TSPAN15: variants seen among roughly 807,000 people sequenced by gnomAD.
TSPAN15 encodes tetraspanin-15.
Under a neutral mutation model 34.5 loss-of-function variants are expected in TSPAN15, and 20 were observed. The observed-to-expected ratio is 0.58, with a 90% CI of 0.41 to 0.84. The LOEUF is 0.84. Ranked by LOEUF, TSPAN15 falls within the 40% of genes least tolerant of loss-of-function variation. TSPAN15 has a pLI of 0.00. For synonymous variants in TSPAN15, 155 were observed against 153.9 expected (o/e 1.01, Z -0.05); for missense variants, 313 against 386.1 (o/e 0.81, Z 1.59).
chr10:69,520,682 TG>T, the TSPAN15 span, among the ~76,000 whole-genome samples: 1 of 152,180 alleles, frequency 6.6e-6, no homozygotes, highest in Non-Finnish European at 1.5e-5. Flanking sequence ...AAAAATCCAT[TG>T]TATGCATATA....
intron 1 of TSPAN15, among the ~76,000 whole-genome samples, chr10:69,462,169 T>G (rs965882174): frequency 2.8e-5 from 4 of 144,986 alleles, no homozygotes; most frequent in Non-Finnish European, 6.1e-5. Flanking sequence ...TTTTTTTTTT[T>G]TTTTTTTTTT....
At chr10:69,484,795 G>A (rs1309754040) in intron 2 of TSPAN15, among the ~76,000 whole-genome samples, 1 of 152,190 alleles carries the variant, frequency 6.6e-6, no homozygotes, top group Non-Finnish European at 1.5e-5. Flanking sequence ...CATTAAGCCA[G>A]GCCTAGCCCC....
At chr10:69,536,909 A>G in the TSPAN15 span, among the ~76,000 whole-genome samples, 1 of 151,614 alleles carries the variant, frequency 6.6e-6, no homozygotes, top group Non-Finnish European at 1.5e-5. Context: ...ACTTGAATTC[A>G]GGAGGCAGAA....
intron 1 of TSPAN15, among the ~76,000 whole-genome samples, chr10:69,477,153 T>C (rs1392437449): frequency 1.3e-5 from 2 of 152,150 alleles, no homozygotes; most frequent in Non-Finnish European, 2.9e-5. Context: ...TCTTTTTCTT[T>C]GAGACAGAGT....
intron 5 of TSPAN15, among the ~76,000 whole-genome samples, chr10:69,500,218 A>C (rs1842175854): frequency 6.6e-6 from 1 of 152,182 alleles, no homozygotes; most frequent in Non-Finnish European, 1.5e-5. Context: ...TTGAGCAGTG[A>C]TGCAGCCTCA....
At position 69,501,251 on chromosome 10, in the gene TSPAN15, A is replaced by G. The variant is rs116472752; in HGVS notation, c.570+2855A>G. 6.5e-3 allele frequency among the ~76,000 whole-genome samples: 994 copies of G among 152,280 alleles called. 7 individuals carry two copies. Among genetic ancestry groups the G allele is most frequent in the African/African-American group, 0.023 (944 of 41,558 alleles). On this transcript the variant is annotated intron_variant, in intron 5 of 7. Coordinates refer to ENST00000373290, the MANE Select transcript of TSPAN15 (RefSeq NM_012339.5). ...GGAGTCTGGAGTTCTGGGAACGACT[A>G]GGCAAGGGGTGTAAACACGGACATC...
rs1459311133 is a variant in TSPAN15 at position 69,506,493 on chromosome 10, A to C, written c.735+253A>C. 6.6e-6 allele frequency among the ~76,000 whole-genome samples: 1 copy of C among 152,198 alleles called. No homozygotes were observed. Among genetic ancestry groups the C allele is most frequent in the African/African-American group, 2.4e-5 (1 of 41,432 alleles). On this transcript the variant is annotated intron_variant, in intron 7 of 7. Coordinates refer to ENST00000373290, the MANE Select transcript of TSPAN15 (RefSeq NM_012339.5). This position sits in a 1 kb window ranked among gnomAD's most constrained non-coding sequence, Gnocchi z 4.7. ...TATAATGCCTATTTCACAGAGGAGG[A>C]AACTGAGGAGCAGCAAGCTTCAGTG...
chr10:69,494,923 C>A, intron 3 of TSPAN15: 2 of 949,588 alleles, frequency 2.1e-6, no homozygotes, highest in Non-Finnish European at 2.5e-6. Flanking sequence ...ATCCAGAAAG[C>A]GCAGCGTGAC....
chr10:69,524,554 G>A, the TSPAN15 span, among the ~76,000 whole-genome samples: 1 of 146,138 alleles, frequency 6.8e-6, no homozygotes, highest in South Asian at 2.2e-4. Flanking sequence ...ACACAAAACA[G>A]CCATAAGCCT....
At chr10:69,484,046 C>A in intron 2 of TSPAN15, 170 bp downstream of exon 2, 1 of 575,822 alleles carries the variant, frequency 1.7e-6, no homozygotes. Flanking sequence ...GCCCAGGCCA[C>A]CTCCCCTCCT....
chr10:69,454,598 C>T (rs556587135), intron 1 of TSPAN15, among the ~76,000 whole-genome samples: 2 of 152,200 alleles, frequency 1.3e-5, no homozygotes, highest in Middle Eastern at 3.4e-3. Context: ...GGGCAGATTG[C>T]TTGAACCTGG....
chr10:69,495,769 G>T (rs911963360), intron 4 of TSPAN15, 80 bp downstream of exon 4: 27 of 1,012,264 alleles, frequency 2.7e-5, no homozygotes, highest in South Asian at 9.4e-5. Context: ...AGAAGATGGG[G>T]TGAGGGACCA....
At position 69,507,665 on chromosome 10, in the gene TSPAN15, T is replaced by G. The variant is rs1842364865; in HGVS notation, c.*687T>G. The G allele has an allele frequency of 4.7e-6, 6 of 1,272,106 alleles. No homozygotes were observed. The highest frequency in any genetic ancestry group is 5.6e-5 in the East Asian group (1 of 17,860). The allele number at this position is 1,272,106 out of a possible 1,614,324, so 78.8% of individuals were successfully genotyped here. The stretch of plus-strand genomic sequence containing the variant: ...AATAAAAACATGTTTTTTTTTTTTT[T>G]TTTTTTTTGCCTTTCCTGTGTGCTG... On this transcript the variant is annotated 3_prime_UTR_variant, in exon 8 of 8. Coordinates refer to ENST00000373290, the MANE Select transcript of TSPAN15 (RefSeq NM_012339.5).
At chr10:69,512,710 T>C in the TSPAN15 span, among the ~76,000 whole-genome samples, 3 of 152,256 alleles carry the variant, frequency 2.0e-5, no homozygotes, top group South Asian at 2.1e-4. Flanking sequence ...TCTGTCTGGC[T>C]TCTTTCACTC....
the TSPAN15 span, among the ~76,000 whole-genome samples, chr10:69,548,515 AC>A: frequency 6.6e-6 from 1 of 152,246 alleles, no homozygotes; most frequent in Non-Finnish European, 1.5e-5. Flanking sequence ...GAGAATGGAA[AC>A]AAATGAGGTG....
rs191285045 is a variant in TSPAN15 at position 69,495,725 on chromosome 10, C to T, written c.453+36C>T. The T allele has an allele frequency of 1.1e-4, 155 of 1,452,266 alleles. No individual in the cohort carries two copies. In the East Asian group the frequency reaches 2.6e-3, roughly 24 times the overall value. 90.0% of individuals were successfully genotyped at this position (1,452,266 alleles called of 1,614,324 possible). ...CGCTTTGGGGTAGAGATGCGCCTCC[C>T]GTGCTCTTAGCCCCCCATTCAGGCC... is the stretch of plus-strand genomic sequence containing the variant. On this transcript the variant is annotated intron_variant, in intron 4 of 7. Transcript: ENST00000373290.
chr10:69,485,306 G>A, intron 3 of TSPAN15, 91 bp downstream of exon 3: 1 of 1,047,866 alleles, frequency 9.5e-7, no homozygotes, highest in African/African-American at 1.6e-5. Flanking sequence ...AGTGAGCAGG[G>A]CAGATAACCC....
chr10:69,462,071 C>G (rs1841274653), intron 1 of TSPAN15, among the ~76,000 whole-genome samples: 2 of 151,730 alleles, frequency 1.3e-5, no homozygotes, highest in Admixed American at 1.3e-4. Context: ...GCCTTGACCT[C>G]CTGGGCTCAA....
chr10:69,523,516 T>C, the TSPAN15 span: 1 of 481,514 alleles, frequency 2.1e-6, no homozygotes, highest in Non-Finnish European at 4.0e-6. Context: ...GTGGTACTTG[T>C]TGGCCTTGTC....
Sources: allele counts gnomAD v4.1 joint callset (sites outside exome capture counted in the v4.1 genomes callset), GRCh38; gene constraint gnomAD v4.1.1; non-coding constraint Gnocchi (gnomAD v3.1); transcripts MANE v1.5; gene names NCBI Gene and HGNC (gene_info 2026-07-23, HGNC 2026-07-21).